STXBP5: variants seen among roughly 807,000 people sequenced by gnomAD.
STXBP5 encodes the protein syntaxin-binding protein 5.
STXBP5 carries 50 observed loss-of-function variants against 152.4 expected under a neutral mutation model. That is an observed-to-expected ratio of 0.33 (90% CI 0.26 to 0.42). STXBP5 has a LOEUF of 0.42. Among genes scored for constraint, STXBP5 ranks in the 10% least tolerant of loss-of-function variants. The pLI is 1.00. For synonymous variants in STXBP5, 492 were observed against 494.7 expected (o/e 0.99, Z 0.07); for missense variants, 1,167 against 1,388.6 (o/e 0.84, Z 2.54).
At chr6:147,232,332 G>T (rs1343548990) in intron 2 of STXBP5, among the ~76,000 whole-genome samples, 1 of 151,832 alleles carries the variant, frequency 6.6e-6, no homozygotes, top group South Asian at 2.1e-4. Flanking sequence ...TAGCAAGTTT[G>T]CAGTGGGGCC....
At chr6:147,314,833 C>A (rs1782562689) in intron 14 of STXBP5, among the ~76,000 whole-genome samples, 197 bp downstream of exon 14, 1 of 151,990 alleles carries the variant, frequency 6.6e-6, no homozygotes, top group Non-Finnish European at 1.5e-5. Context: ...TAATTGGCAA[C>A]ACAAGTATTC....
intron 2 of STXBP5, among the ~76,000 whole-genome samples, chr6:147,228,473 A>G (rs1777841196): frequency 6.6e-6 from 1 of 151,908 alleles, no homozygotes. Flanking sequence ...GGTGGGGACT[A>G]ATTTCGTTTA....
intron 14 of STXBP5, 151 bp downstream of exon 14, chr6:147,314,787 AT>A: frequency 1.9e-6 from 1 of 526,628 alleles, no homozygotes. Flanking sequence ...TGAGTTTAGA[AT>A]TTTTAATATA....
chr6:147,267,264 T>A, intron 7 of STXBP5, 97 bp downstream of exon 7: 4 of 901,362 alleles, frequency 4.4e-6, no homozygotes, highest in Non-Finnish European at 6.8e-6. Flanking sequence ...AGGCAAACTT[T>A]GTAATTGCAG....
chr6:147,344,419 G>A (rs926795519), intron 21 of STXBP5, among the ~76,000 whole-genome samples: 4 of 152,308 alleles, frequency 2.6e-5, no homozygotes, highest in East Asian at 1.9e-4. Flanking sequence ...TTTATGTTCT[G>A]TCATTACTTA....
rs373591667 is a variant in STXBP5, at chr6:147,359,108, G to A, written c.2330G>A (p.Arg777Gln). 22 of 1,613,754 alleles carry A rather than the reference G, an allele frequency of 1.4e-5. No homozygotes were observed. The highest frequency in any genetic ancestry group is 1.7e-5 in the Non-Finnish European group (20 of 1,179,886). The change falls in exon 23 of 28, where the codon CGA becomes CAA. Residue 777 changes from arginine (R) to glutamine (Q), a missense_variant. Physicochemically the swap from Arg to Gln is conservative, Grantham distance 43. Coordinates refer to ENST00000321680, the MANE Select transcript of STXBP5 (RefSeq NM_001127715.4). ...DLDVKDNSFSRSRSSSVTSID... is the reference protein window; with the variant it reads ...DLDVKDNSFSQSRSSSVTSID... Reference sequence around the variant, plus strand: ...GATGTAAAGGATAACTCCTTTAGCCGATCACGGAGTTCAAGTGTAACAAGC... The same window carrying A: ...GATGTAAAGGATAACTCCTTTAGCCAATCACGGAGTTCAAGTGTAACAAGC...
intron 21 of STXBP5, among the ~76,000 whole-genome samples, chr6:147,345,040 A>G (rs1784260148): frequency 6.6e-6 from 1 of 152,182 alleles, no homozygotes; most frequent in Non-Finnish European, 1.5e-5. Flanking sequence ...TATTTCAGGT[A>G]ATAGATATAG....
chr6:147,268,043 T>A (rs1334722093), intron 7 of STXBP5, among the ~76,000 whole-genome samples: 2 of 152,174 alleles, frequency 1.3e-5, no homozygotes, highest in African/African-American at 4.8e-5. Flanking sequence ...TTTTCCTTTA[T>A]TTTAGTATTC....
At chr6:147,254,393 C>T (rs930728541) in intron 4 of STXBP5, among the ~76,000 whole-genome samples, 2 of 152,264 alleles carry the variant, frequency 1.3e-5, no homozygotes, top group Admixed American at 6.5e-5. Context: ...GCAAAGACTT[C>T]GTGACTATAA....
intron 26 of STXBP5, among the ~76,000 whole-genome samples, chr6:147,382,459 T>A (rs1786134312): frequency 6.6e-6 from 1 of 152,158 alleles, no homozygotes; most frequent in Non-Finnish European, 1.5e-5. Context: ...AAGAGCAGTT[T>A]TTGCCATTAT....
chr6:147,379,615 A>G (rs570487119), intron 26 of STXBP5, among the ~76,000 whole-genome samples: 7 of 152,242 alleles, frequency 4.6e-5, no homozygotes, highest in South Asian at 4.1e-4. Flanking sequence ...TACCACTTCT[A>G]TTTTACATAG....
chr6:147,260,066 A>G (rs1779570771), intron 4 of STXBP5, among the ~76,000 whole-genome samples: 1 of 152,200 alleles, frequency 6.6e-6, no homozygotes, highest in African/African-American at 2.4e-5. Context: ...CAAGTTAATG[A>G]GAAAGATGGA....
chr6:147,328,161 C>T (rs1375733771), intron 18 of STXBP5, among the ~76,000 whole-genome samples: 1 of 152,132 alleles, frequency 6.6e-6, no homozygotes, highest in Non-Finnish European at 1.5e-5. Context: ...TATACCAGTA[C>T]TTCTTGCCCT....
intron 21 of STXBP5, among the ~76,000 whole-genome samples, chr6:147,348,007 A>C (rs968116122): frequency 3.9e-5 from 6 of 152,208 alleles, no homozygotes; most frequent in Admixed American, 3.3e-4. Flanking sequence ...TCTTTATAAT[A>C]AGAATGAATT....
intron 21 of STXBP5, among the ~76,000 whole-genome samples, chr6:147,350,359 G>T (rs1033033789): frequency 1.3e-5 from 2 of 152,032 alleles, no homozygotes; most frequent in Non-Finnish European, 2.9e-5. Flanking sequence ...AGAAAATTCA[G>T]AAGGAAATTT....
intron 16 of STXBP5, among the ~76,000 whole-genome samples, chr6:147,317,724 C>A (rs1782712277): frequency 1.3e-5 from 2 of 152,156 alleles, no homozygotes; most frequent in Non-Finnish European, 2.9e-5. Context: ...CTAGAATATA[C>A]ACACTTATAA....
At chr6:147,234,107 C>G (rs897680211) in intron 2 of STXBP5, among the ~76,000 whole-genome samples, 14 of 151,596 alleles carry the variant, frequency 9.2e-5, no homozygotes, top group Non-Finnish European at 2.1e-4. Context: ...TCATTAAGAA[C>G]TTTGTGGCAT....
chr6:147,255,517 TTGTTG>T (rs1171739913), intron 4 of STXBP5, among the ~76,000 whole-genome samples: 1 of 151,888 alleles, frequency 6.6e-6, no homozygotes, highest in African/African-American at 2.4e-5. Flanking sequence ...GTTGTTGTTG[TTGTTG>T]TTGTTGTTTT....
chr6:147,330,716 T>C (rs1206432332), intron 18 of STXBP5, among the ~76,000 whole-genome samples: 1 of 152,196 alleles, frequency 6.6e-6, no homozygotes, highest in African/African-American at 2.4e-5. Flanking sequence ...TGACATAATG[T>C]TGCCTGAAGT....
Sources: gnomAD v4.1 joint callset for allele counts (sites outside exome capture counted in the v4.1 genomes callset) on GRCh38, gnomAD v4.1.1 for gene constraint, MANE v1.5 for transcripts, NCBI Gene and HGNC (gene_info 2026-07-23, HGNC 2026-07-21) for gene names.